TENM3: variants seen among roughly 807,000 people sequenced by gnomAD.
TENM3 encodes teneurin-3.
A neutral mutation model predicts 255.1 loss-of-function variants in TENM3; 63 were observed. That is an observed-to-expected ratio of 0.25 (90% CI 0.20 to 0.30). The LOEUF (loss-of-function observed/expected upper bound fraction) is 0.30, where lower values mean the gene tolerates loss of function less well. Ranked by LOEUF, TENM3 falls within the 10% of genes least tolerant of loss-of-function variation. The pLI is 1.00. For missense variants in TENM3, 2,929 were observed against 3,461.1 expected (o/e 0.85, Z 3.86); for synonymous variants, 1,306 against 1,322.3 (o/e 0.99, Z 0.27).
intron 1 of TENM3, among the ~76,000 whole-genome samples, chr4:182,196,176 T>C (rs1294130613): frequency 2.0e-5 from 3 of 152,044 alleles, no homozygotes; most frequent in African/African-American, 7.2e-5. Context: ...GCGGAGTGAA[T>C]GTACCTGGGC....
intron 1 of TENM3, among the ~76,000 whole-genome samples, chr4:182,154,139 CTT>C (rs538835252): frequency 1.4e-5 from 2 of 143,582 alleles, no homozygotes; most frequent in Admixed American, 7.0e-5. Flanking sequence ...TGCTTTTTTT[CTT>C]TTTTTTTTTC....
the TENM3 span, among the ~76,000 whole-genome samples, chr4:182,111,818 A>G: frequency 1.1e-4 from 17 of 152,324 alleles, 1 homozygote; most frequent in South Asian, 3.3e-3. Context: ...GTGGAGCCAT[A>G]GAGGAAGGAT....
At chr4:182,587,625 G>A (rs1387411348) in intron 3 of TENM3, among the ~76,000 whole-genome samples, 2 of 152,036 alleles carry the variant, frequency 1.3e-5, no homozygotes, top group Non-Finnish European at 2.9e-5. Context: ...TGCCCAGGCT[G>A]GTCTTGAAAT....
chr4:182,200,916 C>T (rs577375606), intron 1 of TENM3, among the ~76,000 whole-genome samples: 2 of 151,856 alleles, frequency 1.3e-5, no homozygotes, highest in East Asian at 1.9e-4. Flanking sequence ...CCTCCACCTC[C>T]CGGGTTCCAG....
intron 3 of TENM3, among the ~76,000 whole-genome samples, chr4:182,563,967 C>T (rs1743493976): frequency 6.6e-6 from 1 of 152,178 alleles, no homozygotes; most frequent in African/African-American, 2.4e-5. Flanking sequence ...ACCACCAGAT[C>T]CTTCGCTCCT....
rs757077444 is a variant in TENM3 at position 182,346,971 on chromosome 4, TTCTG to T, written c.511+48_511+51del. 93 of 1,373,216 alleles carry T rather than the reference TTCTG, an allele frequency of 6.8e-5. 1 individual carries two copies. The highest frequency in any genetic ancestry group is 5.1e-4 in the South Asian group (37 of 72,978). 85.1% of individuals were successfully genotyped at this position (1,373,216 alleles called of 1,614,324 possible). A position where few individuals can be genotyped will look rare whatever the true frequency, so the allele number is the denominator to read the frequency against. ...GCTTTATAATGTTGGCATTCAGTGCTTCTGTCTGTTTTGGTTGACTCCGCGGGGG... is the reference window on the plus strand; with the variant it reads ...GCTTTATAATGTTGGCATTCAGTGCTTCTGTTTTGGTTGACTCCGCGGGGG... On this transcript the variant is annotated intron_variant, in intron 3 of 27. Transcript: ENST00000511685.
the TENM3 span, among the ~76,000 whole-genome samples, chr4:181,611,976 T>G: frequency 6.6e-6 from 1 of 152,384 alleles, no homozygotes; most frequent in Admixed American, 6.5e-5. Flanking sequence ...CTGACATGAT[T>G]ATTTTCTCAT....
chr4:182,443,452 A>G (rs1772659793), intron 3 of TENM3, among the ~76,000 whole-genome samples: 1 of 152,062 alleles, frequency 6.6e-6, no homozygotes, highest in Admixed American at 6.5e-5. Flanking sequence ...TGGACACCTG[A>G]TGGCTTGACT....
At chr4:182,360,000 A>G (rs536551022) in intron 3 of TENM3, among the ~76,000 whole-genome samples, 1 of 152,130 alleles carries the variant, frequency 6.6e-6, no homozygotes, top group South Asian at 2.1e-4. Flanking sequence ...TTCAGGAGCA[A>G]GTTGTTCAGT....
At chr4:182,729,522 T>A (rs1448579628) in intron 14 of TENM3, among the ~76,000 whole-genome samples, 1 of 152,162 alleles carries the variant, frequency 6.6e-6, no homozygotes, top group Admixed American at 6.5e-5. Flanking sequence ...TTTTTTTTTT[T>A]AGCTGAGCTC....
chr4:181,546,854 T>TTTG, the TENM3 span, among the ~76,000 whole-genome samples: 2 of 152,024 alleles, frequency 1.3e-5, no homozygotes, highest in African/African-American at 4.8e-5. Flanking sequence ...TTTTTGTTTT[T>TTTG]TTGTTTTTGT....
At chr4:182,011,761 G>A in the TENM3 span, among the ~76,000 whole-genome samples, 13 of 152,266 alleles carry the variant, frequency 8.5e-5, no homozygotes, top group African/African-American at 2.6e-4. Context: ...TCAAGAGGTG[G>A]AGTCTATTCA....
At chr4:182,449,220 G>GCTC (rs1561458543) in intron 3 of TENM3, 24 of 168,144 alleles carry the variant, frequency 1.4e-4, no homozygotes, top group Non-Finnish European at 2.7e-4. Flanking sequence ...GGCGGCGGCG[G>GCTC]CGGCGGCGGC....
intron 3 of TENM3, among the ~76,000 whole-genome samples, chr4:182,503,558 T>C (rs890550507): frequency 6.6e-6 from 1 of 152,206 alleles, no homozygotes; most frequent in Non-Finnish European, 1.5e-5. Flanking sequence ...TACTTAAGGA[T>C]TGCAGGTTGG....
At chr4:181,490,121 TG>T in the TENM3 span, among the ~76,000 whole-genome samples, 4 of 152,290 alleles carry the variant, frequency 2.6e-5, no homozygotes, top group African/African-American at 7.2e-5. Flanking sequence ...ATCAGGGTAA[TG>T]GGGTATCTAT....
At chr4:181,494,010 C>T in the TENM3 span, among the ~76,000 whole-genome samples, 1 of 152,102 alleles carries the variant, frequency 6.6e-6, no homozygotes, top group Non-Finnish European at 1.5e-5. Flanking sequence ...TGCATGTTAA[C>T]TCATTTAATC....
chr4:182,107,779 T>C, the TENM3 span, among the ~76,000 whole-genome samples: 1 of 152,228 alleles, frequency 6.6e-6, no homozygotes, highest in African/African-American at 2.4e-5. Flanking sequence ...TTAAACTTTT[T>C]CCTTATGATG....
At position 182,505,539 on chromosome 4, in the gene TENM3, C is replaced by T. The variant is rs891787106; in HGVS notation, c.512-95385C>T. Among the ~76,000 whole-genome samples, 4 of 151,980 alleles carry T rather than the reference C, an allele frequency of 2.6e-5. No individual in the cohort carries two copies. The South Asian group carries it at 8.3e-4, about 32-fold the overall frequency. ...TATTGCCCAGGCTGGAGTGCAATGG[C>T]GCAACCTCAGCTCACTGCAACCTCC... On this transcript the variant is annotated intron_variant, in intron 3 of 27. Transcript: ENST00000511685.
At chr4:182,762,867 C>T (rs941359187) in intron 22 of TENM3, among the ~76,000 whole-genome samples, 8 of 152,064 alleles carry the variant, frequency 5.3e-5, no homozygotes, top group Admixed American at 3.3e-4. Flanking sequence ...AGCTACACCG[C>T]CCTCCCCTAC....
Sources: gnomAD v4.1 joint callset for allele counts (sites outside exome capture counted in the v4.1 genomes callset) on GRCh38, gnomAD v4.1.1 for gene constraint, MANE v1.5 for transcripts, NCBI Gene and HGNC (gene_info 2026-07-23, HGNC 2026-07-21) for gene names.